Variants in DAGLA observed in about 807,000 individuals in gnomAD.
DAGLA encodes diacylglycerol lipase-alpha.
A neutral mutation model predicts 102.6 loss-of-function variants in DAGLA; 22 were observed. That is an observed-to-expected ratio of 0.21 (90% CI 0.15 to 0.31). The LOEUF (loss-of-function observed/expected upper bound fraction) is 0.31. Ranked by LOEUF, DAGLA falls within the 10% of genes least tolerant of loss-of-function variation. The probability of loss-of-function intolerance (pLI) is 1.00; values close to 1 mark genes in which losing one functional copy is unlikely to be tolerated. For missense variants in DAGLA, 927 were observed against 1,446.6 expected, an observed-to-expected ratio of 0.64 and a Z score of 5.83; for synonymous variants, 578 against 628.9, an observed-to-expected ratio of 0.92 and a Z score of 1.21.
chr11:61,687,672 G>A (rs866742827), intron 1 of DAGLA, among the ~76,000 whole-genome samples: 2 of 152,174 alleles, frequency 1.3e-5, no homozygotes, highest in South Asian at 4.1e-4. Context: ...TCTGAATAGC[G>A]CTGGCGCCCC....
chr11:61,743,347 AG>A (rs1270889767), intron 19 of DAGLA, among the ~76,000 whole-genome samples, 184 bp from the exon 20 acceptor site: 2 of 148,640 alleles, frequency 1.3e-5, no homozygotes, highest in African/African-American at 5.0e-5. Context: ...TGGGCGACAG[AG>A]CGAGACTCTG....
At chr11:61,711,861 C>G (rs1388663883) in intron 1 of DAGLA, among the ~76,000 whole-genome samples, 2 of 152,242 alleles carry the variant, frequency 1.3e-5, no homozygotes, top group Non-Finnish European at 2.9e-5. Context: ...TGGCCTTGGG[C>G]AACTTATTTA....
chr11:61,739,751 C>T (rs932817490), intron 17 of DAGLA, 90 bp downstream of exon 17: 24 of 1,348,414 alleles, frequency 1.8e-5, no homozygotes, highest in Admixed American at 6.2e-5. Flanking sequence ...AATCACCGCT[C>T]GGGGCTGGGG....
intron 1 of DAGLA, among the ~76,000 whole-genome samples, chr11:61,696,385 C>T (rs1041973993): frequency 1.1e-4 from 16 of 152,154 alleles, no homozygotes; most frequent in Admixed American, 7.2e-4. Context: ...GTGGACCTGA[C>T]GCCCAGCCGT....
In DAGLA at chr11:61,737,718, G is replaced by A. The variant is rs2065436358; in HGVS notation, c.1546G>A (p.Val516Met). 1.9e-6 allele frequency: 3 copies of A among 1,613,926 alleles called. No individual in the cohort carries two copies. Among genetic ancestry groups the A allele is most frequent in the Non-Finnish European group, 8.5e-7 (1 of 1,179,978 alleles). Residue 516 changes from valine (V) to methionine (M), a missense_variant, in exon 15 of 20, where the codon GTG becomes ATG. This residue lies in a region of DAGLA where 218 missense variants were observed against 459.6 expected (regional missense o/e 0.47). Transcript: ENST00000257215. Reference protein sequence around the residue: ...EDAMEYSKEFVTAVVLGKDLV... With the variant: ...EDAMEYSKEFMTAVVLGKDLV... ...TGCGATGGAGTATTCCAAGGAGTTC[G>A]TGACTGCTGTGGTTCTGGGCAAAGA...
At chr11:61,742,896 G>A (rs1050085798) in intron 19 of DAGLA, among the ~76,000 whole-genome samples, 1 of 151,688 alleles carries the variant, frequency 6.6e-6, no homozygotes, top group East Asian at 1.9e-4. Flanking sequence ...CAGTCTATCA[G>A]AGCCTCATTC....
chr11:61,728,120 T>C (rs2065345190), intron 6 of DAGLA, 33 bp from the exon 7 acceptor site: 2 of 1,612,648 alleles, frequency 1.2e-6, no homozygotes, highest in Non-Finnish European at 1.7e-6. Context: ...CCTGCTCCCC[T>C]GCCACTGCCT....
At position 61,734,735 on chromosome 11, in the gene DAGLA, G is replaced by T; in HGVS notation, c.975-114G>T. On this transcript the variant is annotated intron_variant, in intron 9 of 19. Transcript: ENST00000257215. The surrounding 1 kb of genome is among the most constrained non-coding windows in gnomAD (Gnocchi z 4.2). ...ACTAGGACTTAGCAAGGGCAATTTG[G>T]TAGAGGCAGTGGGGCTGAATGCCCA... 1 of 1,019,962 alleles carries T rather than the reference G, an allele frequency of 9.8e-7. No homozygotes were observed. The highest frequency in any genetic ancestry group is 1.5e-6 in the Non-Finnish European group (1 of 682,298). 63.2% of individuals were successfully genotyped at this position (1,019,962 alleles called of 1,614,324 possible).
intron 16 of DAGLA, 73 bp from the exon 17 acceptor site, chr11:61,739,392 G>C (rs1030589013): frequency 1.6e-5 from 22 of 1,382,556 alleles, no homozygotes; most frequent in Admixed American, 9.6e-5. Context: ...CCCCCTTCTC[G>C]GTCCCCCTGC....
intron 1 of DAGLA, among the ~76,000 whole-genome samples, chr11:61,718,843 C>T (rs149432868): frequency 8.5e-5 from 13 of 152,354 alleles, no homozygotes; most frequent in African/African-American, 3.1e-4. Flanking sequence ...GGCTGGCCAC[C>T]TGGCCCCACG....
rs1021254321 is a variant in DAGLA, at chr11:61,737,589, G to C, written c.1515-98G>C. 3.2e-6 allele frequency: 4 copies of C among 1,234,012 alleles called. No individual in the cohort carries two copies. In the Admixed American group the frequency reaches 5.1e-5, roughly 16 times the overall value. 76.4% of individuals were successfully genotyped at this position (1,234,012 alleles called of 1,614,324 possible). On this transcript the variant is annotated intron_variant, in intron 14 of 19. Transcript: ENST00000257215. ...CAGCTCCCCGGGAGCCATCCCAGGA[G>C]TGCAGGAGCAGGGCTTGCTTGTGGC...
chr11:61,743,829 T>C lies in DAGLA; in HGVS notation c.2469T>C (p.Ile823=), dbSNP rs779002579. ...GTGATGAAGGCCACCTCTTCTACAT[T>C]GACCCTGCCATCCCCGAGGAAAACC... ...LERDEGHLFY[I]DPAIPEENPS... The change falls in exon 20 of 20, where the codon ATT becomes ATC. Residue 823 remains isoleucine (I), a synonymous_variant. Coordinates refer to ENST00000257215, the MANE Select transcript of DAGLA (RefSeq NM_006133.3). 3.1e-6 allele frequency: 5 copies of C among 1,612,524 alleles called. No individual in the cohort carries two copies.
Position 61,743,853 on chromosome 11 carries a change from C to T in DAGLA, c.2493C>T (p.Asn831=), listed in dbSNP as rs1268939153. ...TTGACCCTGCCATCCCCGAGGAAAA[C>T]CCATCCCTGAGCTCGCGCACTGAGC... is the stretch of plus-strand genomic sequence containing the variant. The part of the protein sequence containing the change: ...FYIDPAIPEE[N]PSLSSRTELL... The change falls in exon 20 of 20, where the codon AAC becomes AAT. Residue 831 remains asparagine, a synonymous_variant. Coordinates refer to ENST00000257215, the MANE Select transcript of DAGLA (RefSeq NM_006133.3). 6.2e-7 allele frequency: 1 copy of T among 1,612,428 alleles called. No individual in the cohort carries two copies. The highest frequency in any genetic ancestry group is 1.3e-5 in the African/African-American group (1 of 74,934).
At chr11:61,718,958 G>A (rs369799771) in intron 1 of DAGLA, among the ~76,000 whole-genome samples, 1 of 152,176 alleles carries the variant, frequency 6.6e-6, no homozygotes, top group African/African-American at 2.4e-5. Context: ...CCCTGGAGCC[G>A]CCACTGGGGA....
intron 5 of DAGLA, among the ~76,000 whole-genome samples, chr11:61,725,597 T>G (rs1419453332): frequency 6.6e-6 from 1 of 152,180 alleles, no homozygotes; most frequent in African/African-American, 2.4e-5. Context: ...CCTGCTGACC[T>G]CCCAGGGTTT....
At chr11:61,740,625 A>T (rs1200990804) in intron 18 of DAGLA, 33 bp downstream of exon 18, 1 of 1,607,564 alleles carries the variant, frequency 6.2e-7, no homozygotes, top group East Asian at 2.2e-5. Context: ...ACCACCAGGG[A>T]ATAAGGCACT....
chr11:61,724,628 C>T (rs1297345936), intron 5 of DAGLA, among the ~76,000 whole-genome samples: 3 of 152,214 alleles, frequency 2.0e-5, no homozygotes, highest in Non-Finnish European at 4.4e-5. Flanking sequence ...GGACCTTCCA[C>T]GTCAGCTCAG....
intron 6 of DAGLA, among the ~76,000 whole-genome samples, chr11:61,726,646 G>A (rs1421361528): frequency 6.6e-6 from 1 of 152,240 alleles, no homozygotes; most frequent in Non-Finnish European, 1.5e-5. Context: ...GGACCTTAGA[G>A]ATCATCTAGT....
chr11:61,741,132 C>T (rs769185754), intron 18 of DAGLA, 30 bp from the exon 19 acceptor site: 3 of 1,584,318 alleles, frequency 1.9e-6, no homozygotes, highest in Admixed American at 3.4e-5. Flanking sequence ...GTCCCTCCAC[C>T]ACCCCCAGCC....
Sources: gnomAD v4.1 joint callset for allele counts (sites outside exome capture counted in the v4.1 genomes callset) on GRCh38, gnomAD v4.1.1 for gene constraint, gnomAD v4.1.1 regional missense constraint, Gnocchi (gnomAD v3.1) non-coding constraint, MANE v1.5 for transcripts, NCBI Gene and HGNC (gene_info 2026-07-23, HGNC 2026-07-21) for gene names.